SLC38A8: variants seen among roughly 807,000 people sequenced by gnomAD.
The protein encoded by SLC38A8 is solute carrier family 38 member 8.
Under a neutral mutation model 46.0 loss-of-function variants are expected in SLC38A8, and 65 were observed. The ratio of observed to expected loss-of-function variants is 1.41; its 90% CI spans 1.16 to 1.74. The LOEUF is 1.74. Among genes scored for constraint, SLC38A8 ranks in the 40% most tolerant of loss-of-function variants. The pLI is 0.00. For synonymous variants in SLC38A8, 447 were observed against 243.7 expected, an observed-to-expected ratio of 1.83 and a Z score of -7.77; for missense variants, 998 against 567.9, an observed-to-expected ratio of 1.76 and a Z score of -7.70.
At chr16:84,010,293 A>G (rs1408792427) in intron 10 of SLC38A8, among the ~76,000 whole-genome samples, 1 of 150,978 alleles carries the variant, frequency 6.6e-6, no homozygotes, top group African/African-American at 2.4e-5. Flanking sequence ...CTGGTCTTGA[A>G]CTCCTGACCT....
At chr16:84,036,011 G>T (rs962137202) in intron 3 of SLC38A8, among the ~76,000 whole-genome samples, 1 of 152,186 alleles carries the variant, frequency 6.6e-6, no homozygotes, top group African/African-American at 2.4e-5. Flanking sequence ...CACACAAAGT[G>T]TTCTCCAAGA....
At chr16:84,024,635 G>C (rs141863705) in intron 6 of SLC38A8, among the ~76,000 whole-genome samples, 2 of 152,002 alleles carry the variant, frequency 1.3e-5, no homozygotes, top group Non-Finnish European at 2.9e-5. Flanking sequence ...ATAAAAATTA[G>C]TCAGGTGTGG....
intron 6 of SLC38A8, among the ~76,000 whole-genome samples, chr16:84,024,489 T>C (rs2085137227): frequency 6.6e-6 from 1 of 151,990 alleles, no homozygotes; most frequent in African/African-American, 2.4e-5. Flanking sequence ...GGGATAAGAA[T>C]TTTAAACGCA....
chr16:84,040,409 C>T (rs2085354643), intron 2 of SLC38A8, among the ~76,000 whole-genome samples: 1 of 152,202 alleles, frequency 6.6e-6, no homozygotes, highest in African/African-American at 2.4e-5. Context: ...AGAAGCAAGT[C>T]ACAAATGTGG....
rs185455526 is a variant in SLC38A8 at position 84,040,751 on chromosome 16, C to T, written c.189+1218G>A. 3.5e-3 allele frequency among the ~76,000 whole-genome samples: 530 copies of T among 152,334 alleles called. 1 individual carries two copies. Among genetic ancestry groups the T allele is most frequent in the African/African-American group, 0.012 (487 of 41,578 alleles). On this transcript the variant is annotated intron_variant, in intron 2 of 10. Transcript: ENST00000299709. ...CTCCTCCGAGAGGCTTCCGACCACG[C>T]CATGTCATATCATCCCCCGATCCCC...
At chr16:84,035,941 C>G (rs902938371) in intron 3 of SLC38A8, among the ~76,000 whole-genome samples, 39 of 152,314 alleles carry the variant, frequency 2.6e-4, no homozygotes, top group African/African-American at 9.4e-4. Context: ...CTGCCTTGAC[C>G]TAATGGACAT....
At chr16:84,032,744 G>C (rs1486274886) in intron 4 of SLC38A8, among the ~76,000 whole-genome samples, 4 of 152,236 alleles carry the variant, frequency 2.6e-5, no homozygotes, top group Non-Finnish European at 5.9e-5. Context: ...ATACACAACA[G>C]GGAAAAGGCA....
At chr16:84,041,500 A>T (rs2085366676) in intron 2 of SLC38A8, 1 of 152,944 alleles carries the variant, frequency 6.5e-6, no homozygotes, top group African/African-American at 2.4e-5. Flanking sequence ...TCCAGTAGAG[A>T]CAGGGTTTCA....
intron 7 of SLC38A8, among the ~76,000 whole-genome samples, chr16:84,021,791 A>G (rs1597258130): frequency 6.6e-6 from 1 of 152,192 alleles, no homozygotes; most frequent in Non-Finnish European, 1.5e-5. Context: ...CAGAAAGGAA[A>G]TTTTTTTACA....
At chr16:84,020,541 G>T (rs1378829763) in intron 7 of SLC38A8, among the ~76,000 whole-genome samples, 2 of 152,202 alleles carry the variant, frequency 1.3e-5, no homozygotes, top group Non-Finnish European at 2.9e-5. Flanking sequence ...CACGCATCCT[G>T]CCAAGGTTTA....
At chr16:84,012,961 G>A (rs776227695) in intron 10 of SLC38A8, 40 bp downstream of exon 10, 21 of 1,604,032 alleles carry the variant, frequency 1.3e-5, no homozygotes, top group Non-Finnish European at 1.5e-5. Flanking sequence ...CTCTGATCCG[G>A]GGCACACCCA....
rs991615943 is a variant in SLC38A8, at chr16:84,033,203, T to TC, written c.530+124dup. 1.5e-5 allele frequency: 20 copies of TC among 1,325,108 alleles called. No homozygotes were observed. In the African/African-American group the frequency reaches 3.0e-4, roughly 20 times the overall value. The allele number at this position is 1,325,108 out of a possible 1,614,324, so 82.1% of individuals were successfully genotyped here. ...ACATTTTACTTGTATAATTTTTTTT[T>TC]CGTTTTCCCCTTCTCCAAATGTGAA... On this transcript the variant is annotated intron_variant, in intron 4 of 10. Coordinates refer to ENST00000299709, the MANE Select transcript of SLC38A8 (RefSeq NM_001080442.3).
At chr16:84,024,141 A>G (rs575211290) in intron 6 of SLC38A8, among the ~76,000 whole-genome samples, 7 of 152,158 alleles carry the variant, frequency 4.6e-5, no homozygotes, top group Non-Finnish European at 8.8e-5. Context: ...ATGTCTGCAG[A>G]CATGGTCAAA....
Position 84,038,277 on chromosome 16 carries a change from C to T in SLC38A8, c.190-1377G>A, listed in dbSNP as rs540248767. Among the ~76,000 whole-genome samples the T allele has an allele frequency of 2.0e-5, 3 of 151,992 alleles. No homozygotes were observed. In the East Asian group the frequency reaches 5.8e-4, roughly 30 times the overall value. ...AGTAAGCTGAGATCGTGCCACTGTA[C>T]TCCAGCCTGGGCCCCAAAGCGAGAC... On this transcript the variant is annotated intron_variant, in intron 2 of 10. Transcript: ENST00000299709.
Position 84,016,749 on chromosome 16 carries a change from G to A in SLC38A8, c.954-22C>T, listed in dbSNP as rs775031541. 25 of 1,605,094 alleles carry A rather than the reference G, an allele frequency of 1.6e-5. No homozygotes were observed. The Admixed American group carries it at 3.3e-4, about 21-fold the overall frequency. On this transcript the variant is annotated intron_variant, in intron 8 of 10. Coordinates refer to ENST00000299709, the MANE Select transcript of SLC38A8 (RefSeq NM_001080442.3). Reference sequence around the variant, plus strand: ...TGACCTGGAGGCCACAGCCAACACAGACACATGGGCATCTCAGGGGCACCA... The same window carrying A: ...TGACCTGGAGGCCACAGCCAACACAAACACATGGGCATCTCAGGGGCACCA...
chr16:84,038,576 T>C (rs1256879139), intron 2 of SLC38A8, among the ~76,000 whole-genome samples: 1 of 152,188 alleles, frequency 6.6e-6, no homozygotes, highest in African/African-American at 2.4e-5. Flanking sequence ...CACCGGCCTT[T>C]TCTCTTGTAG....
chr16:84,015,657 G>C (rs965318972), intron 9 of SLC38A8, among the ~76,000 whole-genome samples: 2 of 152,230 alleles, frequency 1.3e-5, no homozygotes, highest in East Asian at 1.9e-4. Flanking sequence ...ATCAGGAGCT[G>C]TATTAGTCTG....
intron 8 of SLC38A8, 106 bp from the exon 9 acceptor site, chr16:84,016,833 T>C: frequency 2.4e-6 from 3 of 1,257,990 alleles, no homozygotes; most frequent in Non-Finnish European, 3.3e-6. Flanking sequence ...CTGTCAGTGC[T>C]CCTGTTCCAC....
At chr16:84,043,277 G>C (rs1389966989), upstream of SLC38A8, among the ~76,000 whole-genome samples, 1 of 152,196 alleles carries the variant, frequency 6.6e-6, no homozygotes, top group Non-Finnish European at 1.5e-5. Context: ...GTCAGCTAAG[G>C]GGACAGAATA....
Sources: allele counts gnomAD v4.1 joint callset (sites outside exome capture counted in the v4.1 genomes callset), GRCh38; gene constraint gnomAD v4.1.1; transcripts MANE v1.5; gene names NCBI Gene and HGNC (gene_info 2026-07-23, HGNC 2026-07-21).